The following CNTN6 variants were observed in gnomAD, a reference collection of about 807,000 sequenced individuals.
CNTN6 encodes the protein contactin 6.
In CNTN6, 137 loss-of-function variants were observed where a neutral mutation model predicts 122.8. That is an observed-to-expected ratio of 1.12 (90% CI 0.97 to 1.29). The LOEUF (loss-of-function observed/expected upper bound fraction) is 1.29. CNTN6 is among the 50% of genes most tolerant of loss of function. The pLI is 0.00. For missense variants in CNTN6, 1,634 were observed against 1,223.4 expected (o/e 1.34, Z -5.01); for synonymous variants, 570 against 426.0 (o/e 1.34, Z -4.16).
intron 1 of CNTN6, among the ~76,000 whole-genome samples, chr3:1,143,699 C>G (rs1373355384): frequency 6.6e-6 from 1 of 152,174 alleles, no homozygotes; most frequent in African/African-American, 2.4e-5. Context: ...CAAATGGCAA[C>G]CCATGCATAA....
At chr3:1,309,058 C>G (rs1264902154) in intron 7 of CNTN6, among the ~76,000 whole-genome samples, 1 of 151,972 alleles carries the variant, frequency 6.6e-6, no homozygotes, top group African/African-American at 2.4e-5. Context: ...TGCGTTTTGC[C>G]AATATTTTCT....
At chr3:1,173,129 C>T in intron 2 of CNTN6, 2 of 422,106 alleles carry the variant, frequency 4.7e-6, no homozygotes, top group South Asian at 1.7e-5. Context: ...GGCTTTTCTG[C>T]CATCTGTGAC....
intron 2 of CNTN6, 40 bp downstream of exon 2, chr3:1,148,103 T>C: frequency 2.0e-6 from 3 of 1,492,912 alleles, no homozygotes; most frequent in Non-Finnish European, 2.8e-6. Context: ...TTGATAAATA[T>C]ATTGGCATTG....
At chr3:1,319,873 TAAAAG>T (rs1447008145) in intron 7 of CNTN6, among the ~76,000 whole-genome samples, 1 of 149,718 alleles carries the variant, frequency 6.7e-6, no homozygotes, top group Non-Finnish European at 1.5e-5. Flanking sequence ...TAAAATAAAA[TAAAAG>T]ACATTTATAT....
rs759749793 is a variant in CNTN6, at chr3:1,123,457, C to A, written c.-82-24470C>A. Among the ~76,000 whole-genome samples, 12 of 149,928 alleles carry A rather than the reference C, an allele frequency of 8.0e-5. 1 individual carries two copies. Among genetic ancestry groups the A allele is most frequent in the African/African-American group, 1.2e-4 (5 of 41,214 alleles). On this transcript the variant is annotated intron_variant, in intron 1 of 22. Coordinates refer to ENST00000446702, the MANE Select transcript of CNTN6 (RefSeq NM_001289080.2). ...AATGTGCTTTTCAGATAATTGCTGG[C>A]ATATAGGAACATAACTAATTTTTGT... is the stretch of plus-strand genomic sequence containing the variant.
intron 7 of CNTN6, among the ~76,000 whole-genome samples, chr3:1,320,484 A>G (rs978688472): frequency 2.6e-5 from 4 of 151,110 alleles, no homozygotes. Context: ...AGCACTTTGC[A>G]TGTAGTTGGA....
intron 11 of CNTN6, among the ~76,000 whole-genome samples, chr3:1,349,481 C>T (rs1295984665): frequency 6.6e-6 from 1 of 151,410 alleles, no homozygotes. Context: ...ATTACCAATC[C>T]TTGAGATAAA....
intron 2 of CNTN6, among the ~76,000 whole-genome samples, chr3:1,205,426 G>C (rs993887617): frequency 6.6e-6 from 1 of 152,106 alleles, no homozygotes; most frequent in Non-Finnish European, 1.5e-5. Context: ...CAGAACATTG[G>C]GCTGTTTTCT....
chr3:1,337,146 T>A (rs915890146), intron 11 of CNTN6, among the ~76,000 whole-genome samples: 1 of 152,160 alleles, frequency 6.6e-6, no homozygotes, highest in Non-Finnish European at 1.5e-5. Flanking sequence ...ATTCTTCTCA[T>A]TGCTAAGTTA....
intron 2 of CNTN6, among the ~76,000 whole-genome samples, chr3:1,206,491 C>G (rs1472191478): frequency 6.6e-6 from 1 of 152,116 alleles, no homozygotes; most frequent in Non-Finnish European, 1.5e-5. Context: ...TGTCTTCTCC[C>G]TCTCCTGTAT....
At chr3:1,400,428 A>C (rs1695537736) in intron 20 of CNTN6, among the ~76,000 whole-genome samples, 1 of 152,058 alleles carries the variant, frequency 6.6e-6, no homozygotes, top group South Asian at 2.1e-4. Context: ...TATATCCATT[A>C]CTTTAGAAGC....
At chr3:1,268,077 A>G (rs1442476402) in intron 4 of CNTN6, among the ~76,000 whole-genome samples, 1 of 152,196 alleles carries the variant, frequency 6.6e-6, no homozygotes, top group East Asian at 1.9e-4. Context: ...ATTATTGACT[A>G]CAAAGGTTTT....
At chr3:1,355,974 T>C (rs911633473) in intron 12 of CNTN6, among the ~76,000 whole-genome samples, 3 of 151,720 alleles carry the variant, frequency 2.0e-5, no homozygotes, top group African/African-American at 7.2e-5. Flanking sequence ...ATTCAAACAT[T>C]GTGAGTGCAA....
In CNTN6 at chr3:1,295,632, C is replaced by G. The variant is rs775900859; in HGVS notation, c.486C>G (p.Asn162Lys). The G allele has an allele frequency of 1.2e-6, 2 of 1,613,644 alleles. No individual in the cohort carries two copies. The highest frequency in any genetic ancestry group is 1.7e-6 in the Non-Finnish European group (2 of 1,179,836). Residue 162 changes from asparagine to lysine, a missense_variant, in exon 6 of 23, where the codon AAC becomes AAG. Physicochemically the swap from Asn to Lys is moderately conservative, Grantham distance 94. Coordinates refer to ENST00000446702, the MANE Select transcript of CNTN6 (RefSeq NM_001289080.2). The part of the protein sequence containing the change: ...DLSYAWTFND[N>K]PLYVQEDNRR... Reference sequence around the variant, plus strand: ...CTTATGCATGGACCTTCAATGATAACCCCTTATACGTCCAAGAGGACAATA... The same window carrying G: ...CTTATGCATGGACCTTCAATGATAAGCCCTTATACGTCCAAGAGGACAATA...
At chr3:1,133,864 G>A (rs567786007) in intron 1 of CNTN6, among the ~76,000 whole-genome samples, 1 of 152,268 alleles carries the variant, frequency 6.6e-6, no homozygotes, top group East Asian at 1.9e-4. Context: ...AGTCTAATCA[G>A]TAGCCATCAA....
chr3:1,381,004 A>T (rs1367900126), intron 17 of CNTN6, among the ~76,000 whole-genome samples: 1 of 152,142 alleles, frequency 6.6e-6, no homozygotes. Context: ...CTCTCTGTTG[A>T]TGTAAGAATA....
At chr3:1,281,430 A>G (rs1310831087) in intron 5 of CNTN6, among the ~76,000 whole-genome samples, 2 of 151,706 alleles carry the variant, frequency 1.3e-5, no homozygotes, top group Non-Finnish European at 2.9e-5. Context: ...AAAGTAGCAC[A>G]GACTCCACAG....
chr3:1,335,781 C>A (rs2126018841), intron 11 of CNTN6, among the ~76,000 whole-genome samples: 1 of 152,244 alleles, frequency 6.6e-6, no homozygotes, highest in African/African-American at 2.4e-5. Flanking sequence ...GTAATCCCAG[C>A]ACTTTGGGAG....
chr3:1,381,927 C>G (rs536248172), intron 17 of CNTN6, among the ~76,000 whole-genome samples: 23 of 149,550 alleles, frequency 1.5e-4, no homozygotes, highest in Non-Finnish European at 3.1e-4. Flanking sequence ...GCCTGTGGTT[C>G]TGGCGCTCGT....
Sources: allele counts gnomAD v4.1 joint callset (sites outside exome capture counted in the v4.1 genomes callset), GRCh38; gene constraint gnomAD v4.1.1; transcripts MANE v1.5; gene names NCBI Gene and HGNC (gene_info 2026-07-23, HGNC 2026-07-21).